The following PDE4B variants were observed in gnomAD, a reference collection of about 807,000 sequenced individuals.
PDE4B encodes the protein 3',5'-cyclic-AMP phosphodiesterase 4B.
A neutral mutation model predicts 82.2 loss-of-function variants in PDE4B; 20 were observed. That is an observed-to-expected ratio of 0.24 (90% CI 0.17 to 0.35). The LOEUF (loss-of-function observed/expected upper bound fraction) is 0.35, where lower values mean the gene tolerates loss of function less well. Ranked by LOEUF, PDE4B falls within the 10% of genes least tolerant of loss-of-function variation. The pLI is 1.00. For missense variants in PDE4B, 655 were observed against 907.2 expected, an observed-to-expected ratio of 0.72 and a Z score of 3.57; for synonymous variants, 320 against 318.9, an observed-to-expected ratio of 1.00 and a Z score of -0.04.
chr1:65,885,398 A>G (rs2100358793), intron 1 of PDE4B, among the ~76,000 whole-genome samples: 1 of 152,332 alleles, frequency 6.6e-6, no homozygotes, highest in African/African-American at 2.4e-5. Flanking sequence ...GCTGCTATAA[A>G]GACACATGCA....
intron 1 of PDE4B, among the ~76,000 whole-genome samples, chr1:65,875,794 A>G (rs11208764): frequency 0.65 from 81,590 of 125,106 alleles, 26,345 homozygotes; most frequent in African/African-American, 0.78. Context: ...CACTCTGGGG[A>G]CTGTGGTGGG....
chr1:66,190,555 C>T (rs552861248), intron 3 of PDE4B, among the ~76,000 whole-genome samples: 16 of 152,298 alleles, frequency 1.1e-4, no homozygotes, highest in South Asian at 4.1e-4. Context: ...CCCCCAGCCT[C>T]GCTGCCTGCA....
At chr1:66,216,468 C>G (rs1222381301) in intron 3 of PDE4B, among the ~76,000 whole-genome samples, 1 of 152,110 alleles carries the variant, frequency 6.6e-6, no homozygotes, top group African/African-American at 2.4e-5. Flanking sequence ...TATTAGAGTA[C>G]TCAGTTGTGA....
At chr1:66,268,720 A>G (rs1388580284) in intron 7 of PDE4B, among the ~76,000 whole-genome samples, 1 of 151,488 alleles carries the variant, frequency 6.6e-6, no homozygotes, top group Non-Finnish European at 1.5e-5. Context: ...AGAAAGAAAT[A>G]CCAGAAATAC....
intron 7 of PDE4B, among the ~76,000 whole-genome samples, chr1:66,302,152 A>G (rs1657939800): frequency 6.6e-6 from 1 of 152,180 alleles, no homozygotes; most frequent in South Asian, 2.1e-4. Context: ...AAGAGCCTGA[A>G]GCAGAAGTGA....
chr1:65,816,511 G>A (rs1645887565), intron 1 of PDE4B, among the ~76,000 whole-genome samples: 1 of 152,048 alleles, frequency 6.6e-6, no homozygotes, highest in South Asian at 2.1e-4. Context: ...TTGGCAATTT[G>A]TATCAATAAC....
intron 1 of PDE4B, among the ~76,000 whole-genome samples, chr1:65,909,253 TG>T (rs1306345573): frequency 6.6e-6 from 1 of 152,156 alleles, no homozygotes; most frequent in Admixed American, 6.5e-5. Context: ...TTTTTTAAAT[TG>T]GAAAAAAAGT....
intron 1 of PDE4B, among the ~76,000 whole-genome samples, chr1:65,848,341 TCA>T (rs1646290616): frequency 6.6e-6 from 1 of 152,126 alleles, no homozygotes; most frequent in South Asian, 2.1e-4. Context: ...AGACGGGATT[TCA>T]CCATGTTGGC....
At chr1:65,937,816 T>C (rs1012325509) in intron 3 of PDE4B, among the ~76,000 whole-genome samples, 1 of 152,178 alleles carries the variant, frequency 6.6e-6, no homozygotes, top group Non-Finnish European at 1.5e-5. Context: ...GCAGGTTTTA[T>C]ATAAAAGGTG....
At chr1:66,003,346 A>AT (rs1017481761) in intron 3 of PDE4B, among the ~76,000 whole-genome samples, 1 of 33,850 alleles carries the variant, frequency 3.0e-5, no homozygotes, top group Non-Finnish European at 9.6e-5. Flanking sequence ...TCATCAATAC[A>AT]TTTAAAAAAA....
chr1:65,832,862 G>T (rs1046894801), intron 1 of PDE4B, among the ~76,000 whole-genome samples: 6 of 152,160 alleles, frequency 3.9e-5, no homozygotes, highest in African/African-American at 9.6e-5. Context: ...TATTAGGTGG[G>T]TATAAATAGT....
intron 3 of PDE4B, among the ~76,000 whole-genome samples, chr1:65,929,395 A>T (rs1037777921): frequency 1.3e-5 from 2 of 152,162 alleles, no homozygotes; most frequent in African/African-American, 4.8e-5. Context: ...GTCTTCCCAC[A>T]TGTTCCTGTT....
intron 8 of PDE4B, among the ~76,000 whole-genome samples, chr1:66,345,095 T>G (rs1661291948): frequency 6.6e-6 from 1 of 152,176 alleles, no homozygotes; most frequent in African/African-American, 2.4e-5. Flanking sequence ...AGGAAGGTCT[T>G]ATTGTATCCC....
At chr1:66,040,339 C>T (rs1383000199) in intron 3 of PDE4B, among the ~76,000 whole-genome samples, 1 of 151,988 alleles carries the variant, frequency 6.6e-6, no homozygotes, top group Non-Finnish European at 1.5e-5. Flanking sequence ...CAGTAATGCT[C>T]AATTCTCTTC....
At chr1:66,070,025 G>A (rs1052051392) in intron 3 of PDE4B, among the ~76,000 whole-genome samples, 4 of 151,888 alleles carry the variant, frequency 2.6e-5, no homozygotes, top group African/African-American at 9.7e-5. Context: ...TTTGCTCATC[G>A]AGGGGGACTT....
chr1:65,971,474 A>G (rs1650133879), intron 3 of PDE4B, among the ~76,000 whole-genome samples: 1 of 152,122 alleles, frequency 6.6e-6, no homozygotes, highest in Non-Finnish European at 1.5e-5. Flanking sequence ...ATAGACAGTA[A>G]TAGGTATGCT....
intron 7 of PDE4B, among the ~76,000 whole-genome samples, chr1:66,279,468 A>C (rs2101774975): frequency 6.6e-6 from 1 of 152,300 alleles, no homozygotes; most frequent in South Asian, 2.1e-4. Context: ...TACTAAAAAT[A>C]CAAAAAATTA....
At chr1:66,088,451 A>AATTC (rs1169322579) in intron 3 of PDE4B, among the ~76,000 whole-genome samples, 1 of 152,072 alleles carries the variant, frequency 6.6e-6, no homozygotes, top group Non-Finnish European at 1.5e-5. Context: ...GGTCTGCCTG[A>AATTC]ATCATGAATT....
Position 66,355,716 on chromosome 1 carries a change from G to A in PDE4B, c.841+96G>A. The A allele has an allele frequency of 6.5e-6, 4 of 618,848 alleles. No homozygotes were observed. The South Asian group carries it at 1.0e-4, about 16-fold the overall frequency. The allele number at this position is 618,848 out of a possible 1,614,324, so 38.3% of individuals were successfully genotyped here. A position where few individuals can be genotyped will look rare whatever the true frequency, so the allele number is the denominator to read the frequency against. ...GGACATCCTCATGTGAATTTGGGAT[G>A]GAGTTGAGTCATAGAAAAATCCATT... On this transcript the variant is annotated intron_variant, in intron 9 of 16. Coordinates refer to ENST00000341517, the MANE Select transcript of PDE4B (RefSeq NM_002600.4).
Sources: allele counts gnomAD v4.1 joint callset (sites outside exome capture counted in the v4.1 genomes callset), GRCh38; gene constraint gnomAD v4.1.1; transcripts MANE v1.5; gene names NCBI Gene and HGNC (gene_info 2026-07-23, HGNC 2026-07-21).